CORIN: variants seen among roughly 807,000 people sequenced by gnomAD.
CORIN encodes the protein corin, serine peptidase.
A neutral mutation model predicts 125.3 loss-of-function variants in CORIN; 117 were observed. That is an observed-to-expected ratio of 0.93 (90% CI 0.80 to 1.09). The LOEUF (loss-of-function observed/expected upper bound fraction) is 1.09, where lower values mean the gene tolerates loss of function less well. Among genes scored for constraint, CORIN ranks in the 50% least tolerant of loss-of-function variants. The pLI is 0.00. For synonymous variants in CORIN, 450 were observed against 466.4 expected, an observed-to-expected ratio of 0.96 and a Z score of 0.45; for missense variants, 1,253 against 1,306.7, an observed-to-expected ratio of 0.96 and a Z score of 0.63.
chr4:47,834,718 T>C (rs771864227), intron 1 of CORIN, among the ~76,000 whole-genome samples: 3 of 152,212 alleles, frequency 2.0e-5, no homozygotes, highest in African/African-American at 4.8e-5. Context: ...TGTATACTTG[T>C]TTCCAAACCT....
intron 3 of CORIN, among the ~76,000 whole-genome samples, chr4:47,783,803 A>T (rs1185181093): frequency 1.3e-5 from 2 of 152,142 alleles, no homozygotes; most frequent in Non-Finnish European, 2.9e-5. Context: ...ATTAAAATTT[A>T]AAATGACTAT....
At chr4:47,673,488 A>T (rs1484794659) in intron 10 of CORIN, among the ~76,000 whole-genome samples, 2 of 152,220 alleles carry the variant, frequency 1.3e-5, no homozygotes, top group Non-Finnish European at 2.9e-5. Context: ...AAAAAGTGAA[A>T]GAAGCGAGTA....
chr4:47,719,217 C>T (rs1019318366), intron 5 of CORIN, among the ~76,000 whole-genome samples: 3 of 152,158 alleles, frequency 2.0e-5, no homozygotes, highest in African/African-American at 7.2e-5. Flanking sequence ...CTTTTCCCAA[C>T]CAACCACCTG....
intron 5 of CORIN, among the ~76,000 whole-genome samples, chr4:47,731,525 C>G (rs993200686): frequency 5.3e-5 from 8 of 152,008 alleles, no homozygotes; most frequent in African/African-American, 1.9e-4. Flanking sequence ...AAGAGGAAAA[C>G]CCAATTGGAA....
At chr4:47,786,550 C>G (rs982741283) in intron 3 of CORIN, among the ~76,000 whole-genome samples, 175 bp downstream of exon 3, 1 of 152,144 alleles carries the variant, frequency 6.6e-6, no homozygotes. Context: ...TGAAAAACAA[C>G]AACAACAACA....
chr4:47,626,946 G>T (rs1383467038), intron 16 of CORIN, among the ~76,000 whole-genome samples: 1 of 151,872 alleles, frequency 6.6e-6, no homozygotes, highest in Non-Finnish European at 1.5e-5. Context: ...AAAGTTGTAA[G>T]AATTGTAATA....
chr4:47,767,342 C>A (rs529827088), intron 3 of CORIN, among the ~76,000 whole-genome samples: 1 of 150,184 alleles, frequency 6.7e-6, no homozygotes, highest in Admixed American at 6.7e-5. Context: ...AAGACAGCCA[C>A]AAAATTACCA....
chr4:47,704,638 G>C (rs1475080590), intron 5 of CORIN, among the ~76,000 whole-genome samples: 13 of 152,140 alleles, frequency 8.5e-5, no homozygotes, highest in African/African-American at 2.7e-4. Flanking sequence ...CAGATAACGG[G>C]AAGTCAAAAA....
At position 47,653,544 on chromosome 4, in the gene CORIN, C is replaced by T; in HGVS notation, c.1843+9G>A. 6.2e-7 allele frequency: 1 copy of T among 1,608,104 alleles called. No homozygotes were observed. The highest frequency in any genetic ancestry group is 1.3e-5 in the African/African-American group (1 of 74,932). On this transcript the variant is annotated intron_variant, in intron 13 of 21. Coordinates refer to ENST00000273857, the MANE Select transcript of CORIN (RefSeq NM_006587.4). ...TACATTCAAGAAAAGTACCATTGCA[C>T]ATACATACCACAGTTTTCCTCATCA...
intron 19 of CORIN, among the ~76,000 whole-genome samples, chr4:47,621,281 G>A (rs1197929633): frequency 6.6e-6 from 1 of 152,066 alleles, no homozygotes. Context: ...TTCCTTTTTG[G>A]GAAGCTTGCT....
rs549791943 is a variant in CORIN, at chr4:47,682,992, A to G, written c.1021+739T>C. 2.6e-5 allele frequency: 4 copies of G among 152,290 alleles called. No individual in the cohort carries two copies. The South Asian group carries it at 8.3e-4, about 32-fold the overall frequency. The allele number at this position is 152,290 out of a possible 1,614,324, so 9.4% of individuals were successfully genotyped here. ...CAAACATTCATTTTGATGTTATCTA[A>G]TGCAGGACATTGTCTGATATCATTT... On this transcript the variant is annotated intron_variant, in intron 7 of 21. Transcript: ENST00000273857.
chr4:47,744,415 T>C lies in CORIN; in HGVS notation c.786A>G (p.Glu262=). The C allele has an allele frequency of 6.2e-7, 1 of 1,613,602 alleles. No individual in the cohort carries two copies. Among genetic ancestry groups the C allele is most frequent in the Non-Finnish European group, 8.5e-7 (1 of 1,179,868 alleles). The change falls in exon 5 of 22, where the codon GAA becomes GAG. Residue 262 remains glutamate (E), a synonymous_variant. Coordinates refer to ENST00000273857, the MANE Select transcript of CORIN (RefSeq NM_006587.4). ...VSRICFSPQQ[E]NGKQLLCGRG... is the part of the protein sequence containing the mutation. ...ACAGACACCTACATTGCTTTCCGTT[T>C]TCCTGCTGAGGTGAGAAGCAAATTC...
chr4:47,700,062 CT>C (rs1307962518), intron 5 of CORIN, among the ~76,000 whole-genome samples: 4 of 152,152 alleles, frequency 2.6e-5, no homozygotes, highest in African/African-American at 4.8e-5. Flanking sequence ...CTGTTGGCTG[CT>C]TTATACACAT....
intron 2 of CORIN, among the ~76,000 whole-genome samples, chr4:47,800,667 G>C (rs1304683211): frequency 6.6e-6 from 1 of 152,168 alleles, no homozygotes; most frequent in East Asian, 1.9e-4. Flanking sequence ...ACGGTTTACT[G>C]TCTTAGCCTG....
intron 5 of CORIN, among the ~76,000 whole-genome samples, chr4:47,695,067 A>T (rs1053348778): frequency 1.3e-5 from 2 of 152,190 alleles, no homozygotes; most frequent in African/African-American, 4.8e-5. Context: ...CAACTGCCAA[A>T]ATATCCAACA....
intron 5 of CORIN, among the ~76,000 whole-genome samples, chr4:47,703,648 G>A (rs1726409843): frequency 6.6e-6 from 1 of 152,164 alleles, no homozygotes; most frequent in South Asian, 2.1e-4. Flanking sequence ...AATCAGTAAT[G>A]GACATAAAGT....
chr4:47,793,240 A>G (rs186180740), intron 2 of CORIN, among the ~76,000 whole-genome samples: 2 of 152,250 alleles, frequency 1.3e-5, no homozygotes, highest in East Asian at 3.9e-4. Context: ...TGTCTGTCCC[A>G]TGCATCTATA....
chr4:47,726,104 A>G (rs183260515), intron 5 of CORIN, among the ~76,000 whole-genome samples: 16 of 152,226 alleles, frequency 1.1e-4, no homozygotes, highest in Admixed American at 8.5e-4. Context: ...ATCTGACAAT[A>G]CCAAGTACTG....
At chr4:47,627,853 T>C (rs1351975721) in intron 16 of CORIN, among the ~76,000 whole-genome samples, 1 of 152,178 alleles carries the variant, frequency 6.6e-6, no homozygotes, top group Non-Finnish European at 1.5e-5. Flanking sequence ...CAGGTATTCA[T>C]AGGGCAACAA....
Sources: allele counts gnomAD v4.1 joint callset (sites outside exome capture counted in the v4.1 genomes callset), GRCh38; gene constraint gnomAD v4.1.1; transcripts MANE v1.5; gene names NCBI Gene and HGNC (gene_info 2026-07-23, HGNC 2026-07-21).